The following AFG2A variants were observed in gnomAD, a reference collection of about 807,000 sequenced individuals.
The protein encoded by AFG2A is AAA ATPase AFG2A, also known as ATPase family gene 2 protein homolog A.
chr4:122,955,409 A>C, the AFG2A span, among the ~76,000 whole-genome samples: 132,663 of 152,118 alleles, frequency 0.87, 58,145 homozygotes, highest in East Asian at 0.96. Context: ...CTCTTAATAC[A>C]ATAAAAATAT....
chr4:122,970,599 CA>C, the AFG2A span, among the ~76,000 whole-genome samples: 39 of 149,680 alleles, frequency 2.6e-4, no homozygotes, highest in South Asian at 6.5e-3. Flanking sequence ...TTTAGGTATA[CA>C]AATACCATTG....
chr4:122,943,651 G>A, the AFG2A span, among the ~76,000 whole-genome samples: 1 of 152,062 alleles, frequency 6.6e-6, no homozygotes, highest in African/African-American at 2.4e-5. Context: ...AGTTAATATC[G>A]TTATGTGTGA....
At chr4:123,100,020 A>G in the AFG2A span, among the ~76,000 whole-genome samples, 2 of 152,024 alleles carry the variant, frequency 1.3e-5, no homozygotes, top group East Asian at 3.9e-4. Flanking sequence ...AAGTAATACC[A>G]TAATAAAATA....
the AFG2A span, among the ~76,000 whole-genome samples, chr4:123,269,250 C>G: frequency 6.2e-3 from 948 of 152,272 alleles, 13 homozygotes; most frequent in African/African-American, 0.022. Context: ...TTGGTGGGGT[C>G]CCTGTCCTGC....
chr4:123,043,487 G>A, the AFG2A span, among the ~76,000 whole-genome samples: 1 of 151,938 alleles, frequency 6.6e-6, no homozygotes, highest in South Asian at 2.1e-4. Context: ...ATGGAAAAAT[G>A]GAATTAAAAG....
the AFG2A span, among the ~76,000 whole-genome samples, chr4:123,222,070 A>G: frequency 1.3e-5 from 2 of 152,330 alleles, no homozygotes; most frequent in African/African-American, 4.8e-5. Context: ...TTTAGAACTA[A>G]AATGTTCTGG....
At chr4:123,023,922 C>G in the AFG2A span, among the ~76,000 whole-genome samples, 1 of 151,864 alleles carries the variant, frequency 6.6e-6, no homozygotes. Flanking sequence ...CCTCCGAGGC[C>G]TCTACCTGGA....
the AFG2A span, among the ~76,000 whole-genome samples, chr4:122,944,596 T>C: frequency 1.3e-5 from 2 of 152,204 alleles, no homozygotes; most frequent in African/African-American, 2.4e-5. Context: ...CTCCCGTAGC[T>C]CGGAGTAGTT....
chr4:123,248,073 C>A, the AFG2A span, among the ~76,000 whole-genome samples: 85,987 of 150,498 alleles, frequency 0.57, 26,807 homozygotes, highest in Non-Finnish European at 0.68. Flanking sequence ...GCTTTGCACA[C>A]AAAAAAAAAA....
At chr4:123,151,897 C>T in the AFG2A span, among the ~76,000 whole-genome samples, 1 of 151,968 alleles carries the variant, frequency 6.6e-6, no homozygotes, top group African/African-American at 2.4e-5. Flanking sequence ...CAATGATAGA[C>T]TGAAATAAAG....
the AFG2A span, among the ~76,000 whole-genome samples, chr4:122,930,026 T>G: frequency 3.4e-3 from 515 of 152,344 alleles, 3 homozygotes; most frequent in Middle Eastern, 0.014. Context: ...CAGGGCTTCT[T>G]ATTTTACAGT....
chr4:123,077,804 T>C, the AFG2A span, among the ~76,000 whole-genome samples: 2 of 152,228 alleles, frequency 1.3e-5, no homozygotes, highest in Non-Finnish European at 2.9e-5. Context: ...TTCTTGTTTT[T>C]GTTCTTCACC....
chr4:123,194,212 A>G, the AFG2A span, among the ~76,000 whole-genome samples: 157 of 152,364 alleles, frequency 1.0e-3, 2 homozygotes, highest in African/African-American at 3.7e-3. Context: ...CATAAGGACT[A>G]GACTTCAGGG....
At chr4:122,940,627 C>T in the AFG2A span, among the ~76,000 whole-genome samples, 6 of 152,174 alleles carry the variant, frequency 3.9e-5, no homozygotes, top group Non-Finnish European at 5.9e-5. Flanking sequence ...GCAGAAGCTC[C>T]TTAGTTTAAT....
At chr4:123,306,450 C>G in the AFG2A span, among the ~76,000 whole-genome samples, 2 of 152,150 alleles carry the variant, frequency 1.3e-5, no homozygotes, top group Non-Finnish European at 2.9e-5. Context: ...TGGGCCCACT[C>G]TGCTATTTTT....
the AFG2A span, among the ~76,000 whole-genome samples, chr4:122,946,983 T>A: frequency 6.6e-6 from 1 of 152,016 alleles, no homozygotes; most frequent in Admixed American, 6.6e-5. Context: ...GAGAGGTGAG[T>A]ATTGTAAAAC....
chr4:123,061,257 A>C, the AFG2A span, among the ~76,000 whole-genome samples: 1 of 152,172 alleles, frequency 6.6e-6, no homozygotes, highest in East Asian at 1.9e-4. Flanking sequence ...CTCAGTTCTA[A>C]AGTTGCTTCC....
the AFG2A span, among the ~76,000 whole-genome samples, chr4:123,243,992 A>C: frequency 2.0e-5 from 3 of 152,308 alleles, no homozygotes; most frequent in East Asian, 5.8e-4. Context: ...ACTGCAGTCC[A>C]GCATGGGCAA....
chr4:123,030,488 T>C, the AFG2A span, among the ~76,000 whole-genome samples: 6 of 152,212 alleles, frequency 3.9e-5, no homozygotes, highest in Admixed American at 3.9e-4. Flanking sequence ...CACACATTCA[T>C]TTATTTGAGC....
Sources: gnomAD v4.1 joint callset for allele counts (sites outside exome capture counted in the v4.1 genomes callset) on GRCh38, gnomAD v4.1.1 for gene constraint, MANE v1.5 for transcripts, NCBI Gene and HGNC (gene_info 2026-07-23, HGNC 2026-07-21) for gene names.